The following DDX60L variants were observed in gnomAD, a reference collection of about 807,000 sequenced individuals.
DDX60L encodes the protein DExD/H-box 60 like.
DDX60L carries 191 observed loss-of-function variants against 211.6 expected under a neutral mutation model. The ratio of observed to expected loss-of-function variants is 0.90; its 90% CI spans 0.80 to 1.02. DDX60L has a LOEUF of 1.02. Among genes scored for constraint, DDX60L ranks in the 50% least tolerant of loss-of-function variants. The probability of loss-of-function intolerance (pLI) is 0.00; values close to 1 mark genes in which losing one functional copy is unlikely to be tolerated. For synonymous variants in DDX60L, 706 were observed against 694.1 expected, an observed-to-expected ratio of 1.02 and a Z score of -0.27; for missense variants, 2,007 against 1,984.1, an observed-to-expected ratio of 1.01 and a Z score of -0.22.
At chr4:168,431,442 A>G (rs1752324518) in intron 12 of DDX60L, among the ~76,000 whole-genome samples, 1 of 151,666 alleles carries the variant, frequency 6.6e-6, no homozygotes, top group Non-Finnish European at 1.5e-5. Flanking sequence ...CCTATATGCA[A>G]TTGGCATACT....
Position 168,404,086 on chromosome 4 carries a change from G to A in DDX60L, c.3234C>T (p.Asn1078=). 1 of 1,406,370 alleles carries A rather than the reference G, an allele frequency of 7.1e-7. No homozygotes were observed. Among genetic ancestry groups the A allele is most frequent in the South Asian group, 1.7e-5 (1 of 57,346 alleles). 87.1% of individuals were successfully genotyped at this position (1,406,370 alleles called of 1,614,324 possible). Residue 1078 remains asparagine (N), a synonymous_variant, in exon 25 of 38, where the codon AAC becomes AAT. Transcript: ENST00000682922. The part of the protein sequence containing the change: ...QVKKVKRVLK[N]LSPDSLSSSK... ...AACTAGACAATGAATCCGGACTAAG[G>A]TTCTTCAGTACTCTTTTGACCTACA...
chr4:168,416,669 T>C lies in DDX60L; in HGVS notation c.2726+13A>G, dbSNP rs763339281. 1.3e-6 allele frequency: 2 copies of C among 1,526,146 alleles called. No homozygotes were observed. The highest frequency in any genetic ancestry group is 2.3e-5 in the East Asian group (1 of 43,936). The allele number at this position is 1,526,146 out of a possible 1,614,324, so 94.5% of individuals were successfully genotyped here. A position where few individuals can be genotyped will look rare whatever the true frequency, so the allele number is the denominator to read the frequency against. On this transcript the variant is annotated intron_variant, in intron 20 of 37. Coordinates refer to ENST00000682922, the MANE Select transcript of DDX60L (RefSeq NM_001012967.3). ...CTGAATATATAACAACCACTCTTTT[T>C]ACCTATACCTACTTGGTGAGAAGAT...
intron 36 of DDX60L, among the ~76,000 whole-genome samples, chr4:168,364,897 T>C (rs538946771): frequency 9.2e-5 from 14 of 151,852 alleles, no homozygotes; most frequent in African/African-American, 2.9e-4. Flanking sequence ...TACAAATACA[T>C]GGAAATTAAA....
intron 1 of DDX60L, among the ~76,000 whole-genome samples, chr4:168,479,825 TAAAAAAA>T (rs1182650356): frequency 9.7e-6 from 1 of 103,602 alleles, no homozygotes; most frequent in Non-Finnish European, 2.0e-5. Flanking sequence ...AAATAAAAAA[TAAAAAAA>T]AATTAGCCGG....
At chr4:168,458,116 G>T (rs1756839436) in intron 5 of DDX60L, 108 bp from the exon 6 acceptor site, 2 of 607,486 alleles carry the variant, frequency 3.3e-6, no homozygotes, top group East Asian at 2.8e-5. Context: ...ATTATCTCAT[G>T]CTGGTCAGAA....
At chr4:168,443,546 G>A (rs1306731880) in intron 9 of DDX60L, among the ~76,000 whole-genome samples, 2 of 152,006 alleles carry the variant, frequency 1.3e-5, no homozygotes, top group South Asian at 2.1e-4. Context: ...GATACTCCTC[G>A]AGAAGAGCAA....
chr4:168,399,437 G>A lies in DDX60L; in HGVS notation c.3491+1389C>T, dbSNP rs758747175. On this transcript the variant is annotated intron_variant, in intron 26 of 37. Transcript: ENST00000682922. Reference sequence around the variant, plus strand: ...CCAGCCTCACAGGAAGCTGGTGCCCGTGACAGTGCCTGGAGCTGCCCACCC... The same window carrying A: ...CCAGCCTCACAGGAAGCTGGTGCCCATGACAGTGCCTGGAGCTGCCCACCC... Among the ~76,000 whole-genome samples the A allele has an allele frequency of 5.3e-5, 8 of 152,332 alleles. No individual in the cohort carries two copies. In the East Asian group the frequency reaches 5.8e-4, roughly 11 times the overall value.
chr4:168,463,934 T>C (rs977777253), intron 4 of DDX60L, among the ~76,000 whole-genome samples: 40 of 152,318 alleles, frequency 2.6e-4, no homozygotes, highest in African/African-American at 9.1e-4. Context: ...GATGTTTATA[T>C]AGATCAATCC....
intron 9 of DDX60L, among the ~76,000 whole-genome samples, chr4:168,442,538 G>C (rs1424351530): frequency 6.6e-6 from 1 of 152,216 alleles, no homozygotes; most frequent in Non-Finnish European, 1.5e-5. Context: ...GCTCAAGGAG[G>C]CCTGCCTGCC....
chr4:168,452,009 A>G (rs1353567405), intron 8 of DDX60L, among the ~76,000 whole-genome samples: 1 of 152,216 alleles, frequency 6.6e-6, no homozygotes, highest in Non-Finnish European at 1.5e-5. Flanking sequence ...AAGCTTCATT[A>G]GTCCCTCCTT....
chr4:168,393,024 T>A (rs62334112), intron 28 of DDX60L, among the ~76,000 whole-genome samples: 1,588 of 152,254 alleles, frequency 0.01, 11 homozygotes, highest in Middle Eastern at 0.02. Flanking sequence ...AAAATTGGAG[T>A]GACCTTTGCC....
intron 28 of DDX60L, among the ~76,000 whole-genome samples, 178 bp downstream of exon 28, chr4:168,394,287 A>C (rs1444042533): frequency 6.6e-6 from 1 of 152,196 alleles, no homozygotes; most frequent in Non-Finnish European, 1.5e-5. Flanking sequence ...TCAACGTAGA[A>C]ATAATTTTTA....
chr4:168,461,639 A>C, intron 5 of DDX60L, 60 bp downstream of exon 5: 1 of 1,151,486 alleles, frequency 8.7e-7, no homozygotes, highest in Non-Finnish European at 1.2e-6. Context: ...ATATTGAGTT[A>C]GTGATTTTGA....
intron 29 of DDX60L, chr4:168,390,458 T>G (rs1744601306): frequency 7.4e-7 from 1 of 1,360,398 alleles, no homozygotes; most frequent in South Asian, 2.0e-5. Context: ...TAAAAGGTCA[T>G]GAAATGGAGA....
chr4:168,403,436 T>G (rs1472729866), intron 25 of DDX60L, among the ~76,000 whole-genome samples: 1 of 152,228 alleles, frequency 6.6e-6, no homozygotes, highest in African/African-American at 2.4e-5. Flanking sequence ...GTTTTTTGGT[T>G]CTGATTATTA....
chr4:168,402,124 CTTTT>C (rs60345965), intron 25 of DDX60L, among the ~76,000 whole-genome samples: 1 of 108,504 alleles, frequency 9.2e-6, no homozygotes, highest in Non-Finnish European at 1.9e-5. Context: ...ACTTCAGAGG[CTTTT>C]TTTTTTTTTT....
In DDX60L at chr4:168,396,112, G is replaced by GT. The variant is rs772416332; in HGVS notation, c.3503dup (p.Asn1168LysfsTer6). On this transcript the variant is annotated frameshift_variant, in exon 27 of 38. Transcript: ENST00000682922. LOFTEE classifies it high-confidence loss of function. ...TTTCCAGTTTTTCAGCCTTCTTTGG[G>GT]TTTTTTTTAGTGCTACTATTTAAAA... The GT allele has an allele frequency of 1.8e-4, 248 of 1,398,242 alleles. No homozygotes were observed. Among genetic ancestry groups the GT allele is most frequent in the South Asian group, 3.8e-4 (26 of 68,210 alleles). The allele number at this position is 1,398,242 out of a possible 1,614,324, so 86.6% of individuals were successfully genotyped here.
chr4:168,433,235 C>A, intron 10 of DDX60L, 120 bp from the exon 11 acceptor site: 1 of 645,532 alleles, frequency 1.5e-6, no homozygotes, highest in Non-Finnish European at 2.6e-6. Flanking sequence ...TAATGTTTAC[C>A]AAGTTAGAGC....
At position 168,457,077 on chromosome 4, in the gene DDX60L, A is replaced by G. The variant is rs75832450; in HGVS notation, c.723+815T>C. Among the ~76,000 whole-genome samples, 1,014 of 152,050 alleles carry G rather than the reference A, an allele frequency of 6.7e-3. 14 individuals carry two copies. Among genetic ancestry groups the G allele is most frequent in the African/African-American group, 0.02 (843 of 41,480 alleles). ...AATAAAAATTAAAAATTAGGCAGGC[A>G]TGGTGGCATATGCCTGTGGGTCCAG... On this transcript the variant is annotated intron_variant, in intron 6 of 37. Coordinates refer to ENST00000682922, the MANE Select transcript of DDX60L (RefSeq NM_001012967.3).
Sources: gnomAD v4.1 joint callset for allele counts (sites outside exome capture counted in the v4.1 genomes callset) on GRCh38, gnomAD v4.1.1 for gene constraint, MANE v1.5 for transcripts, NCBI Gene and HGNC (gene_info 2026-07-23, HGNC 2026-07-21) for gene names.